KIF26B: variants seen among roughly 807,000 people sequenced by gnomAD.
The protein encoded by KIF26B is kinesin family member 26B.
In KIF26B, 63 loss-of-function variants were observed where a neutral mutation model predicts 151.2. The observed-to-expected ratio is 0.42, with a 90% CI of 0.34 to 0.51. The LOEUF is 0.51. Ranked by LOEUF, KIF26B falls within the 20% of genes least tolerant of loss-of-function variation. The pLI, the probability that KIF26B is intolerant of heterozygous loss-of-function variation, is 0.07. For missense variants in KIF26B, 2,813 were observed against 2,913.6 expected (o/e 0.97, Z 0.79); for synonymous variants, 1,357 against 1,262.1 (o/e 1.08, Z -1.59).
intron 2 of KIF26B, among the ~76,000 whole-genome samples, chr1:245,159,070 A>G (rs1175033821): frequency 6.6e-6 from 1 of 152,194 alleles, no homozygotes; most frequent in African/African-American, 2.4e-5. Context: ...TCAGGCACAG[A>G]AGGAGTTAAG....
At chr1:245,623,523 A>T (rs1036861064) in intron 9 of KIF26B, among the ~76,000 whole-genome samples, 1 of 152,156 alleles carries the variant, frequency 6.6e-6, no homozygotes, top group Non-Finnish European at 1.5e-5. Flanking sequence ...CAGTTTGGGG[A>T]TATTACAAAT....
At chr1:245,607,530 C>T in intron 6 of KIF26B, 121 bp from the exon 7 acceptor site, 1 of 741,758 alleles carries the variant, frequency 1.3e-6, no homozygotes, top group Non-Finnish European at 2.2e-6. Context: ...GAGGCCAACC[C>T]ACCTGGGAAC....
chr1:245,544,360 A>G (rs1661691663), intron 5 of KIF26B, among the ~76,000 whole-genome samples: 1 of 152,166 alleles, frequency 6.6e-6, no homozygotes, highest in Non-Finnish European at 1.5e-5. Context: ...AGTCTCCTAG[A>G]GTGGAGGAGG....
At chr1:245,378,086 G>T (rs2103016064) in intron 3 of KIF26B, among the ~76,000 whole-genome samples, 1 of 152,310 alleles carries the variant, frequency 6.6e-6, no homozygotes, top group South Asian at 2.1e-4. Flanking sequence ...GCCACCACCT[G>T]AGAGTAGATA....
intron 5 of KIF26B, among the ~76,000 whole-genome samples, chr1:245,543,736 T>G (rs1661675309): frequency 6.6e-6 from 1 of 151,836 alleles, no homozygotes; most frequent in Admixed American, 6.6e-5. Context: ...GATCACGAGG[T>G]CAGGGGTTCG....
intron 2 of KIF26B, among the ~76,000 whole-genome samples, chr1:245,346,036 G>A (rs576381209): frequency 2.8e-4 from 42 of 150,782 alleles, no homozygotes; most frequent in Admixed American, 1.3e-3. Context: ...GGGTTCAAGC[G>A]ATTCTCCTGC....
In KIF26B at chr1:245,367,252, C is replaced by T. The variant is rs779090502; in HGVS notation, c.884C>T (p.Ala295Val). ...CAGGCCAAGGTCAGCCTCCAGATGG[C>T]CACCAGTCCAAGCAATGGGAACATC... is the stretch of plus-strand genomic sequence containing the variant. ...THQAKVSLQM[A>V]TSPSNGNILN... is the part of the protein sequence containing the mutation. Residue 295 changes from alanine to valine, a missense_variant, in exon 3 of 15, where the codon GCC becomes GTC. Ala to Val is a moderately conservative substitution (Grantham distance 64, BLOSUM62 0). Around this residue, in one of 3 missense-constraint regions of KIF26B, gnomAD observed 676 missense variants for 688.1 expected, o/e 0.98. Transcript: ENST00000407071. The surrounding 1 kb of genome is among the most constrained non-coding windows in gnomAD (Gnocchi z 4.2). The T allele has an allele frequency of 1.9e-6, 3 of 1,607,282 alleles. No homozygotes were observed. The highest frequency in any genetic ancestry group is 2.5e-6 in the Non-Finnish European group (3 of 1,176,946).
At chr1:245,267,634 G>GCACACACACACACACA (rs66498609) in intron 2 of KIF26B, among the ~76,000 whole-genome samples, 1 of 136,234 alleles carries the variant, frequency 7.3e-6, no homozygotes, top group East Asian at 2.2e-4. Flanking sequence ...GCTAAGTAAT[G>GCACACACACACACACA]CACACACACA....
chr1:245,684,413 T>TG lies in KIF26B; in HGVS notation c.2421+25dup, dbSNP rs149909437. 9.8e-5 allele frequency: 136 copies of TG among 1,389,032 alleles called. No homozygotes were observed. Among genetic ancestry groups the TG allele is most frequent in the East Asian group, 2.3e-4 (9 of 39,116 alleles). 86.0% of individuals were successfully genotyped at this position (1,389,032 alleles called of 1,614,324 possible). A position where few individuals can be genotyped will look rare whatever the true frequency, so the allele number is the denominator to read the frequency against. On this transcript the variant is annotated intron_variant, in intron 11 of 14. Coordinates refer to ENST00000407071, the MANE Select transcript of KIF26B (RefSeq NM_018012.4). ...AGACGAAGGTAAGGAGCTCGCGGGG[T>TG]GGGGGGGTGGTGGATGAGGGAGCCT...
chr1:245,681,085 C>T (rs933076633), intron 10 of KIF26B, among the ~76,000 whole-genome samples: 4 of 150,814 alleles, frequency 2.7e-5, no homozygotes, highest in African/African-American at 9.9e-5. Flanking sequence ...CTACAGTGCT[C>T]ATGGGGGTCT....
rs1025415000 is a variant in KIF26B, at chr1:245,156,436, C to T, written c.218C>T (p.Ser73Leu). Reference sequence around the variant, plus strand: ...TCCTCGGGGACCCCGTCTCCCGGCTCGGGCACCTCGTCCCCGAGCTCGTTC... The same window carrying T: ...TCCTCGGGGACCCCGTCTCCCGGCTTGGGCACCTCGTCCCCGAGCTCGTTC... ...LGSSGTPSPG[S>L]GTSSPSSFTG... is the part of the protein sequence containing the mutation. The change falls in exon 2 of 15, where the codon TCG becomes TTG. Residue 73 changes from serine to leucine, a missense_variant. Physicochemically the swap from Ser to Leu is moderately radical, Grantham distance 145. This residue lies in a region of KIF26B where 676 missense variants were observed against 688.1 expected (regional missense o/e 0.98). Coordinates refer to ENST00000407071, the MANE Select transcript of KIF26B (RefSeq NM_018012.4). The T allele has an allele frequency of 1.3e-6, 2 of 1,527,450 alleles. No individual in the cohort carries two copies. The highest frequency in any genetic ancestry group is 1.8e-6 in the Non-Finnish European group (2 of 1,140,780). 94.6% of individuals were successfully genotyped at this position (1,527,450 alleles called of 1,614,324 possible). A position where few individuals can be genotyped will look rare whatever the true frequency, so the allele number is the denominator to read the frequency against.
chr1:245,670,741 T>C (rs760807790), intron 10 of KIF26B, among the ~76,000 whole-genome samples: 1 of 152,146 alleles, frequency 6.6e-6, no homozygotes, highest in Non-Finnish European at 1.5e-5. Flanking sequence ...ACATAGTAGG[T>C]GAATATATCT....
At chr1:245,379,893 C>CCCGG (rs1178686638) in intron 3 of KIF26B, among the ~76,000 whole-genome samples, 1 of 151,798 alleles carries the variant, frequency 6.6e-6, no homozygotes, top group Non-Finnish European at 1.5e-5. Context: ...ATCGCTTGAA[C>CCCGG]CCGGGCGGCA....
intron 2 of KIF26B, among the ~76,000 whole-genome samples, chr1:245,290,770 G>T (rs899046283): frequency 1.3e-5 from 2 of 152,228 alleles, no homozygotes; most frequent in African/African-American, 4.8e-5. Context: ...ATTCAAGATG[G>T]AGTTGCTCTG....
At chr1:245,543,375 T>G (rs192348738) in intron 5 of KIF26B, among the ~76,000 whole-genome samples, 2 of 152,360 alleles carry the variant, frequency 1.3e-5, no homozygotes, top group Admixed American at 1.3e-4. Flanking sequence ...GTTAGTAAAC[T>G]AAAGTTTGCA....
intron 4 of KIF26B, among the ~76,000 whole-genome samples, chr1:245,421,540 C>T (rs763067995): frequency 6.6e-6 from 1 of 152,068 alleles, no homozygotes; most frequent in Non-Finnish European, 1.5e-5. Context: ...TACCTGGCCT[C>T]GATCCTAGAG....
At chr1:245,253,799 G>GTTTTTTTT in intron 2 of KIF26B, among the ~76,000 whole-genome samples, 1 of 120,902 alleles carries the variant, frequency 8.3e-6, no homozygotes, top group African/African-American at 3.3e-5. Flanking sequence ...TTGAAGTCCT[G>GTTTTTTTT]CTTTTTTTTT....
chr1:245,401,459 T>G (rs575495790), intron 3 of KIF26B, among the ~76,000 whole-genome samples: 1 of 152,328 alleles, frequency 6.6e-6, no homozygotes, highest in South Asian at 2.1e-4. Flanking sequence ...ACTGCACACG[T>G]AAAGCATGTT....
At chr1:245,523,720 C>T (rs1344340027) in intron 4 of KIF26B, among the ~76,000 whole-genome samples, 1 of 152,160 alleles carries the variant, frequency 6.6e-6, no homozygotes. Context: ...CTTCTAAATG[C>T]CCCATCTCCA....
Sources: allele counts gnomAD v4.1 joint callset (sites outside exome capture counted in the v4.1 genomes callset), GRCh38; gene constraint gnomAD v4.1.1; regional missense constraint gnomAD v4.1.1; non-coding constraint Gnocchi (gnomAD v3.1); transcripts MANE v1.5; gene names NCBI Gene and HGNC (gene_info 2026-07-23, HGNC 2026-07-21).